The following EPHB1 variants were observed in gnomAD, a reference collection of about 807,000 sequenced individuals.
The protein encoded by EPHB1 is EPH receptor B1, also known as ephrin type-B receptor 1.
In EPHB1, 30 loss-of-function variants were observed where a neutral mutation model predicts 94.4. That is an observed-to-expected ratio of 0.32 (90% CI 0.24 to 0.43). The LOEUF (loss-of-function observed/expected upper bound fraction) is 0.43, where lower values mean the gene tolerates loss of function less well. Among genes scored for constraint, EPHB1 ranks in the 20% least tolerant of loss-of-function variants. The pLI is 1.00. For missense variants in EPHB1, 1,055 were observed against 1,308.3 expected, an observed-to-expected ratio of 0.81 and a Z score of 2.99; for synonymous variants, 522 against 489.1, an observed-to-expected ratio of 1.07 and a Z score of -0.89.
At chr3:134,891,217 C>A (rs968915138) in intron 1 of EPHB1, among the ~76,000 whole-genome samples, 1 of 152,314 alleles carries the variant, frequency 6.6e-6, no homozygotes, top group South Asian at 2.1e-4. Flanking sequence ...TCAAGCAATC[C>A]TCCTACCTCA....
chr3:135,197,838 T>C (rs2107711835), intron 11 of EPHB1, among the ~76,000 whole-genome samples: 1 of 152,342 alleles, frequency 6.6e-6, no homozygotes, highest in African/African-American at 2.4e-5. Context: ...TCTTATCTTG[T>C]TCATCTTTGA....
At chr3:135,066,742 G>A (rs770807264) in intron 3 of EPHB1, among the ~76,000 whole-genome samples, 2 of 151,978 alleles carry the variant, frequency 1.3e-5, no homozygotes, top group Non-Finnish European at 2.9e-5. Flanking sequence ...GAGCTAGTGT[G>A]ATTTTTTCTG....
At chr3:135,092,944 A>C (rs554649700) in intron 3 of EPHB1, among the ~76,000 whole-genome samples, 1 of 152,290 alleles carries the variant, frequency 6.6e-6, no homozygotes, top group Admixed American at 6.5e-5. Flanking sequence ...CAACATCTTA[A>C]GAATTCCACC....
At chr3:135,097,866 C>T (rs1264222184) in intron 3 of EPHB1, among the ~76,000 whole-genome samples, 5 of 152,340 alleles carry the variant, frequency 3.3e-5, no homozygotes, top group South Asian at 4.1e-4. Context: ...ATAGATGCTT[C>T]GTATTCTTGG....
chr3:135,145,267 G>A (rs1280214002), intron 5 of EPHB1, among the ~76,000 whole-genome samples: 1 of 152,142 alleles, frequency 6.6e-6, no homozygotes, highest in Non-Finnish European at 1.5e-5. Context: ...AGTACTAGTG[G>A]GCTGGAAGTC....
rs1049025932 is a variant in EPHB1 at position 135,096,778 on chromosome 3, T to C, written c.806-9670T>C. Among the ~76,000 whole-genome samples the C allele has an allele frequency of 2.0e-5, 3 of 152,262 alleles. No homozygotes were observed. The South Asian group carries it at 6.2e-4, about 32-fold the overall frequency. ...GGCTCCACCCTCGTGACTTAATTACTCCACAGAGTCCTCACCTCCAAGTAG... is the reference window on the plus strand; with the variant it reads ...GGCTCCACCCTCGTGACTTAATTACCCCACAGAGTCCTCACCTCCAAGTAG... On this transcript the variant is annotated intron_variant, in intron 3 of 15. Transcript: ENST00000398015.
intron 1 of EPHB1, among the ~76,000 whole-genome samples, chr3:134,814,825 A>C (rs1382805254): frequency 6.6e-6 from 1 of 152,232 alleles, no homozygotes; most frequent in Non-Finnish European, 1.5e-5. Context: ...GGTCTGGACC[A>C]GCTCTTCACA....
intron 9 of EPHB1, among the ~76,000 whole-genome samples, chr3:135,171,852 A>G (rs1258840236): frequency 6.6e-6 from 1 of 152,228 alleles, no homozygotes; most frequent in South Asian, 2.1e-4. Context: ...TACATTTTGC[A>G]TATGAAGAAA....
chr3:135,108,254 T>C (rs1939299366), intron 4 of EPHB1, among the ~76,000 whole-genome samples: 1 of 152,076 alleles, frequency 6.6e-6, no homozygotes, highest in Admixed American at 6.6e-5. Flanking sequence ...TTATAAAGAG[T>C]TTTAGAAATT....
At chr3:134,868,290 AG>A (rs1413828637) in intron 1 of EPHB1, among the ~76,000 whole-genome samples, 2 of 152,230 alleles carry the variant, frequency 1.3e-5, no homozygotes, top group East Asian at 3.8e-4. Flanking sequence ...TTGTGCATAA[AG>A]CTCAGCTGTT....
intron 2 of EPHB1, among the ~76,000 whole-genome samples, chr3:134,932,128 C>T (rs753072858): frequency 3.3e-5 from 5 of 151,956 alleles, no homozygotes; most frequent in Admixed American, 6.6e-5. Context: ...CTTTCAATAA[C>T]GGGAGGATTA....
chr3:134,935,050 G>T (rs1382119499), intron 2 of EPHB1, among the ~76,000 whole-genome samples: 1 of 152,134 alleles, frequency 6.6e-6, no homozygotes, highest in Admixed American at 6.5e-5. Context: ...TATGCAACTG[G>T]CATGTGAGCC....
At chr3:135,248,721 TG>T (rs1943989394) in intron 14 of EPHB1, among the ~76,000 whole-genome samples, 1 of 151,994 alleles carries the variant, frequency 6.6e-6, no homozygotes, top group Admixed American at 6.6e-5. Context: ...ATCAGGATAA[TG>T]GTTGTGGAAA....
At chr3:135,065,374 T>C (rs528385803) in intron 3 of EPHB1, among the ~76,000 whole-genome samples, 1 of 152,336 alleles carries the variant, frequency 6.6e-6, no homozygotes, top group South Asian at 2.1e-4. Flanking sequence ...GTTTTATAAA[T>C]TTGGAAGCTC....
At chr3:135,193,709 G>C (rs562261253) in intron 11 of EPHB1, among the ~76,000 whole-genome samples, 1 of 152,204 alleles carries the variant, frequency 6.6e-6, no homozygotes, top group Non-Finnish European at 1.5e-5. Flanking sequence ...TGTGGCTACA[G>C]ATTAAAGGGT....
chr3:135,251,159 C>T (rs1247085108), intron 15 of EPHB1, among the ~76,000 whole-genome samples: 1 of 151,910 alleles, frequency 6.6e-6, no homozygotes, highest in Non-Finnish European at 1.5e-5. Context: ...TTCTTAAAAA[C>T]TAGATTAATT....
chr3:134,995,128 C>A (rs1403778691), intron 3 of EPHB1, among the ~76,000 whole-genome samples: 1 of 152,126 alleles, frequency 6.6e-6, no homozygotes. Flanking sequence ...ATAGCCATGG[C>A]CAGCACCTTT....
intron 15 of EPHB1, among the ~76,000 whole-genome samples, chr3:135,250,917 C>T (rs1933058970): frequency 6.6e-6 from 1 of 152,168 alleles, no homozygotes; most frequent in South Asian, 2.1e-4. Flanking sequence ...GCAGCTGGGA[C>T]AAACCGGTTG....
rs188820826 is a variant in EPHB1 at position 135,084,305 on chromosome 3, C to A, written c.806-22143C>A. Among the ~76,000 whole-genome samples, 910 of 152,256 alleles carry A rather than the reference C, an allele frequency of 6.0e-3. 6 individuals carry two copies. Among genetic ancestry groups the A allele is most frequent in the African/African-American group, 0.019 (795 of 41,552 alleles). On this transcript the variant is annotated intron_variant, in intron 3 of 15. Transcript: ENST00000398015. ...GAGTCTCCACCTTACTTCTGACATG[C>A]TGGGTGAGCACATCCTTTAATTTCT... is the stretch of plus-strand genomic sequence containing the variant.
Sources: allele counts gnomAD v4.1 joint callset (sites outside exome capture counted in the v4.1 genomes callset), GRCh38; gene constraint gnomAD v4.1.1; transcripts MANE v1.5; gene names NCBI Gene and HGNC (gene_info 2026-07-23, HGNC 2026-07-21).